The following CABIN1 variants were observed in gnomAD, a reference collection of about 807,000 sequenced individuals.
The protein encoded by CABIN1 is calcineurin binding protein 1.
In CABIN1, 133 loss-of-function variants were observed where a neutral mutation model predicts 227.7. The observed-to-expected ratio is 0.58, with a 90% CI of 0.51 to 0.67. The LOEUF is 0.67. CABIN1 is among the 30% of genes least tolerant of loss of function. The probability of loss-of-function intolerance (pLI) is 0.00; values close to 1 mark genes in which losing one functional copy is unlikely to be tolerated. For missense variants in CABIN1, 2,408 were observed against 2,852.5 expected, an observed-to-expected ratio of 0.84 and a Z score of 3.55; for synonymous variants, 1,086 against 1,155.1, an observed-to-expected ratio of 0.94 and a Z score of 1.21.
At chr22:24,121,494 A>C (rs2043408303) in intron 28 of CABIN1, among the ~76,000 whole-genome samples, 2 of 152,196 alleles carry the variant, frequency 1.3e-5, no homozygotes, top group African/African-American at 4.8e-5. Context: ...TTGGTGCCAC[A>C]CTGGAGCCTG....
intron 6 of CABIN1, among the ~76,000 whole-genome samples, chr22:24,046,910 A>G (rs915999088): frequency 6.6e-6 from 1 of 152,078 alleles, no homozygotes; most frequent in Non-Finnish European, 1.5e-5. Context: ...CCCCCACCGC[A>G]ATGTCCCAGT....
At position 24,025,171 on chromosome 22, in the gene CABIN1, C is replaced by T. The variant is rs182662374; in HGVS notation, c.-74-10273C>T. ...ATGGATAATGTTGGAAGTCAGATTT[C>T]TGACTTTTTCTTGTTGAGGGCTGCA... On this transcript the variant is annotated intron_variant, in intron 1 of 36. Transcript: ENST00000263119. Among the ~76,000 whole-genome samples the T allele has an allele frequency of 7.9e-5, 12 of 152,192 alleles. No homozygotes were observed. The East Asian group carries it at 2.3e-3, about 29-fold the overall frequency.
At chr22:24,069,977 T>A (rs573925459) in intron 16 of CABIN1, among the ~76,000 whole-genome samples, 1 of 151,684 alleles carries the variant, frequency 6.6e-6, no homozygotes, top group Non-Finnish European at 1.5e-5. Flanking sequence ...TCCCACCAGA[T>A]CTGTGAATTC....
rs756377802 is a variant in CABIN1, at chr22:24,063,024, C to T, written c.1762C>T (p.His588Tyr). Residue 588 changes from histidine to tyrosine, a missense_variant, in exon 14 of 37, where the codon CAC becomes TAC. His to Tyr is a moderately conservative substitution (Grantham distance 83, BLOSUM62 2). Coordinates refer to ENST00000263119, the MANE Select transcript of CABIN1 (RefSeq NM_012295.4). The stretch of plus-strand genomic sequence containing the variant: ...ATTTGGACCTGACTTCCCAGGGACC[C>T]ACTGCCTGGGTGACCTCCTACAGCT... ...GRFGPDFPGTHCLGDLLQLSF... is the reference protein window; with the variant it reads ...GRFGPDFPGTYCLGDLLQLSF... The T allele has an allele frequency of 3.7e-6, 6 of 1,614,042 alleles. No individual in the cohort carries two copies. Among genetic ancestry groups the T allele is most frequent in the Non-Finnish European group, 5.1e-6 (6 of 1,180,012 alleles).
At chr22:24,135,399 AAG>A (rs1013481322) in intron 29 of CABIN1, among the ~76,000 whole-genome samples, 39 of 152,138 alleles carry the variant, frequency 2.6e-4, no homozygotes, top group Non-Finnish European at 3.5e-4. Flanking sequence ...TAAAAAAAAA[AAG>A]AGTGTGACCA....
At chr22:24,132,768 A>G (rs6004066) in intron 28 of CABIN1, among the ~76,000 whole-genome samples, 113 of 152,164 alleles carry the variant, frequency 7.4e-4, no homozygotes, top group African/African-American at 2.5e-3. Flanking sequence ...TTGTATTTTT[A>G]GTAGAGATGG....
Position 24,166,705 on chromosome 22 carries a change from C to A in CABIN1, c.5074C>A (p.His1692Asn). The A allele has an allele frequency of 6.2e-7, 1 of 1,612,884 alleles. No homozygotes were observed. Among genetic ancestry groups the A allele is most frequent in the South Asian group, 1.1e-5 (1 of 91,084 alleles). The change falls in exon 32 of 37, where the codon CAC becomes AAC. Residue 1692 changes from histidine to asparagine, a missense_variant. This residue lies in a region of CABIN1 where 714 missense variants were observed against 773.8 expected (regional missense o/e 0.92). Coordinates refer to ENST00000263119, the MANE Select transcript of CABIN1 (RefSeq NM_012295.4). ...AGCCAGGATGACCACCGATGTCTCA[C>A]ACAAGGCCAGTCCTGAGGATGGCCA... ...PGARMTTDVS[H>N]KASPEDGQEG...
At chr22:24,042,272 C>G in intron 5 of CABIN1, among the ~76,000 whole-genome samples, 1 of 152,180 alleles carries the variant, frequency 6.6e-6, no homozygotes, top group Non-Finnish European at 1.5e-5. Flanking sequence ...TTTCTTTCTT[C>G]TCCTTTTACT....
intron 29 of CABIN1, among the ~76,000 whole-genome samples, chr22:24,142,421 A>G (rs759340311): frequency 6.6e-6 from 1 of 152,192 alleles, no homozygotes; most frequent in Non-Finnish European, 1.5e-5. Context: ...GGGAACAGGT[A>G]TATCCTGACT....
intron 28 of CABIN1, among the ~76,000 whole-genome samples, chr22:24,125,616 G>T (rs1420728816): frequency 6.6e-6 from 1 of 152,210 alleles, no homozygotes; most frequent in Non-Finnish European, 1.5e-5. Flanking sequence ...GTAGAACCAG[G>T]CATCAGGAGG....
intron 28 of CABIN1, among the ~76,000 whole-genome samples, chr22:24,128,223 TCTG>T (rs1033151985): frequency 8.0e-5 from 12 of 150,782 alleles, no homozygotes; most frequent in Middle Eastern, 3.2e-3. Flanking sequence ...CAAATGTGGT[TCTG>T]CTTTTTTTTG....
chr22:24,160,820 C>G (rs1228853903), intron 29 of CABIN1, among the ~76,000 whole-genome samples: 2 of 152,278 alleles, frequency 1.3e-5, no homozygotes, highest in Admixed American at 6.5e-5. Flanking sequence ...CCCCCAGGCA[C>G]TTCACCCTGC....
chr22:24,104,371 T>C (rs980605735), intron 26 of CABIN1, among the ~76,000 whole-genome samples: 10 of 152,202 alleles, frequency 6.6e-5, no homozygotes, highest in African/African-American at 2.4e-4. Context: ...GGTCAGTGCC[T>C]TTCCTGGCTC....
chr22:24,081,219 G>A (rs950355721), intron 19 of CABIN1, among the ~76,000 whole-genome samples: 4 of 151,402 alleles, frequency 2.6e-5, no homozygotes, highest in Non-Finnish European at 2.9e-5. Context: ...CTTAACTCCC[G>A]GCCTACAAAA....
chr22:24,106,784 C>G (rs1055276319), intron 26 of CABIN1, among the ~76,000 whole-genome samples: 2 of 152,222 alleles, frequency 1.3e-5, no homozygotes, highest in African/African-American at 2.4e-5. Flanking sequence ...ACTGTCTGCC[C>G]AGGTAGATAG....
At chr22:24,164,145 CAT>C (rs907862539) in intron 29 of CABIN1, among the ~76,000 whole-genome samples, 6 of 152,212 alleles carry the variant, frequency 3.9e-5, no homozygotes, top group African/African-American at 1.2e-4. Flanking sequence ...GTCCAGCAAA[CAT>C]ATGAGATGCA....
intron 1 of CABIN1, among the ~76,000 whole-genome samples, chr22:24,034,593 A>G (rs1406321847): frequency 6.6e-6 from 1 of 152,168 alleles, no homozygotes. Context: ...TGGCGTGGAC[A>G]TGTTTTCATT....
At chr22:24,154,781 AT>A (rs1175234524) in intron 29 of CABIN1, among the ~76,000 whole-genome samples, 2 of 152,128 alleles carry the variant, frequency 1.3e-5, no homozygotes, top group African/African-American at 4.8e-5. Flanking sequence ...CCTGGGGCTG[AT>A]TTGGACTAGG....
chr22:24,137,468 A>G (rs2044492090), intron 29 of CABIN1, among the ~76,000 whole-genome samples: 1 of 152,210 alleles, frequency 6.6e-6, no homozygotes, highest in Non-Finnish European at 1.5e-5. Flanking sequence ...AGCCTCATGT[A>G]GGCCTGGCAC....
Sources: gnomAD v4.1 joint callset for allele counts (sites outside exome capture counted in the v4.1 genomes callset) on GRCh38, gnomAD v4.1.1 for gene constraint, gnomAD v4.1.1 regional missense constraint, MANE v1.5 for transcripts, NCBI Gene and HGNC (gene_info 2026-07-23, HGNC 2026-07-21) for gene names.